TRPC1: variants seen among roughly 807,000 people sequenced by gnomAD.
The protein encoded by TRPC1 is transient receptor potential cation channel subfamily C member 1.
Under a neutral mutation model 88.2 loss-of-function variants are expected in TRPC1, and 42 were observed. The ratio of observed to expected loss-of-function variants is 0.48; its 90% CI spans 0.37 to 0.62. TRPC1 has a LOEUF of 0.62. Ranked by LOEUF, TRPC1 falls within the 20% of genes least tolerant of loss-of-function variation. TRPC1 has a pLI of 0.00. For missense variants in TRPC1, 699 were observed against 957.3 expected (o/e 0.73, Z 3.56); for synonymous variants, 288 against 331.8 (o/e 0.87, Z 1.43).
In TRPC1 at chr3:142,732,592, A is replaced by G. The variant is rs532108076; in HGVS notation, c.173-3787A>G. Among the ~76,000 whole-genome samples the G allele has an allele frequency of 7.9e-5, 12 of 152,252 alleles. 1 individual carries two copies. In the East Asian group the frequency reaches 1.9e-3, roughly 25 times the overall value. ...GTTTGGACTGTGGGTAGCAGTATAC[A>G]TGGAGACAAGTAGATGATTATGGGA... On this transcript the variant is annotated intron_variant, in intron 1 of 12. Transcript: ENST00000476941.
chr3:142,771,100 G>A (rs1935560920), intron 4 of TRPC1, among the ~76,000 whole-genome samples: 1 of 152,116 alleles, frequency 6.6e-6, no homozygotes, highest in African/African-American at 2.4e-5. Context: ...ATTACTGCAA[G>A]GATGGCACCA....
At position 142,784,937 on chromosome 3, in the gene TRPC1, G is replaced by A; in HGVS notation, c.1194G>A (p.Leu398=). The A allele has an allele frequency of 6.2e-7, 1 of 1,613,886 alleles. No individual in the cohort carries two copies. Among genetic ancestry groups the A allele is most frequent in the Non-Finnish European group, 8.5e-7 (1 of 1,179,964 alleles). The change falls in exon 7 of 13, where the codon CTG becomes CTA. Residue 398 remains leucine, a synonymous_variant. Coordinates refer to ENST00000476941, the MANE Select transcript of TRPC1 (RefSeq NM_001251845.2). ...IIHGASYFTF[L]LLLNLYSLVY... is the part of the protein sequence containing the mutation. ...ATGGAGCATCATATTTCACATTTCT[G>A]CTGTTGCTTAATCTATACTCTCTTG...
In TRPC1 at chr3:142,736,359, G is replaced by A. The variant is rs1363695302; in HGVS notation, c.173-20G>A. ...TGATATGTCACGGATATTAAATTAT[G>A]TTTGTATATTGTTATTTAGGTGACT... On this transcript the variant is annotated intron_variant, in intron 1 of 12. Coordinates refer to ENST00000476941, the MANE Select transcript of TRPC1 (RefSeq NM_001251845.2). The A allele has an allele frequency of 2.6e-6, 4 of 1,537,348 alleles. No homozygotes were observed. In the Admixed American group the frequency reaches 6.1e-5, roughly 24 times the overall value.
chr3:142,740,312 T>C (rs538905847), intron 2 of TRPC1, among the ~76,000 whole-genome samples: 1 of 152,342 alleles, frequency 6.6e-6, no homozygotes, highest in East Asian at 1.9e-4. Context: ...GTTCAGAAGC[T>C]AAGTAAAGCT....
At chr3:142,775,616 CA>C (rs113089324) in intron 4 of TRPC1, among the ~76,000 whole-genome samples, 28 of 140,862 alleles carry the variant, frequency 2.0e-4, no homozygotes, top group East Asian at 4.1e-4. Flanking sequence ...GAGAGTGTCT[CA>C]AAAAAAAAAA....
At chr3:142,799,758 C>T (rs188791029) in intron 9 of TRPC1, among the ~76,000 whole-genome samples, 14 of 152,086 alleles carry the variant, frequency 9.2e-5, no homozygotes, top group Non-Finnish European at 1.8e-4. Flanking sequence ...CATGATTGTA[C>T]CACCATACTC....
In TRPC1 at chr3:142,724,835, C is replaced by T; in HGVS notation, c.172+104C>T. The T allele has an allele frequency of 7.6e-7, 1 of 1,321,916 alleles. No individual in the cohort carries two copies. Among genetic ancestry groups the T allele is most frequent in the Non-Finnish European group, 9.9e-7 (1 of 1,006,764 alleles). 81.9% of individuals were successfully genotyped at this position (1,321,916 alleles called of 1,614,324 possible). On this transcript the variant is annotated intron_variant, in intron 1 of 12. Coordinates refer to ENST00000476941, the MANE Select transcript of TRPC1 (RefSeq NM_001251845.2). This position sits in a 1 kb window ranked among gnomAD's most constrained non-coding sequence, Gnocchi z 5.6. ...CGGGGCATTCCCTCTGTCTCAGGCG[C>T]CGAGTGTCTTCCCGCCTCGCCTGCT...
Position 142,756,914 on chromosome 3 carries a change from G to A in TRPC1, c.632+8454G>A, listed in dbSNP as rs191483739. On this transcript the variant is annotated intron_variant, in intron 4 of 12. Coordinates refer to ENST00000476941, the MANE Select transcript of TRPC1 (RefSeq NM_001251845.2). Reference sequence around the variant, plus strand: ...TCCCATTCTTTCCTGGCCTCTGGTAGCCACCAGTCTACTCTCTATCTTCAT... The same window carrying A: ...TCCCATTCTTTCCTGGCCTCTGGTAACCACCAGTCTACTCTCTATCTTCAT... Among the ~76,000 whole-genome samples the A allele has an allele frequency of 7.6e-3, 1,149 of 152,108 alleles. 10 individuals are homozygous for A. Among genetic ancestry groups the A allele is most frequent in the Non-Finnish European group, 7.9e-3 (540 of 68,008 alleles).
intron 2 of TRPC1, among the ~76,000 whole-genome samples, chr3:142,742,676 G>T (rs528030766): frequency 6.6e-6 from 1 of 152,210 alleles, no homozygotes; most frequent in East Asian, 1.9e-4. Context: ...CATTTTCTTA[G>T]ATTAAATCAT....
At chr3:142,773,901 TG>T (rs764978638) in intron 4 of TRPC1, among the ~76,000 whole-genome samples, 1 of 151,710 alleles carries the variant, frequency 6.6e-6, no homozygotes, top group Non-Finnish European at 1.5e-5. Flanking sequence ...TGGACAGTTT[TG>T]TATGTATTAT....
rs1325010736 is a variant in TRPC1 at position 142,777,680 on chromosome 3, G to T, written c.681G>T (p.Met227Ile). Residue 227 changes from methionine (M) to isoleucine (I), a missense_variant, in exon 5 of 13, where the codon ATG becomes ATT. By Grantham distance (10) the Met-to-Ile change is conservative. Around this residue, in one of 4 missense-constraint regions of TRPC1, gnomAD observed 426 missense variants for 641.3 expected, o/e 0.66. Transcript: ENST00000476941. ...GTTTGGCCAGTCCAGCTCTAATAAT[G>T]TTAACAGAGGAGGATCCAATTCTGA... ...YRCLASPALI[M>I]LTEEDPILRA... 6.2e-7 allele frequency: 1 copy of T among 1,612,760 alleles called. No homozygotes were observed. The highest frequency in any genetic ancestry group is 8.5e-7 in the Non-Finnish European group (1 of 1,179,158).
chr3:142,793,067 C>A (rs1936341202), intron 9 of TRPC1, 100 bp downstream of exon 9: 3 of 1,050,896 alleles, frequency 2.9e-6, no homozygotes, highest in Admixed American at 7.1e-5. Flanking sequence ...GATATTAAAG[C>A]TAAACTTTGC....
intron 4 of TRPC1, among the ~76,000 whole-genome samples, chr3:142,759,585 T>C (rs934388424): frequency 1.1e-4 from 17 of 152,352 alleles, no homozygotes; most frequent in African/African-American, 3.8e-4. Context: ...CTTTGTCAGA[T>C]GGGTAGATTG....
At chr3:142,746,806 C>T (rs187293399) in intron 3 of TRPC1, among the ~76,000 whole-genome samples, 2 of 151,370 alleles carry the variant, frequency 1.3e-5, no homozygotes, top group South Asian at 2.1e-4. Context: ...TTCAGTGAGC[C>T]GAGATAGTGC....
Position 142,775,288 on chromosome 3 carries a change from C to A in TRPC1, c.633-2344C>A, listed in dbSNP as rs116214734. Among the ~76,000 whole-genome samples, 651 of 152,226 alleles carry A rather than the reference C, an allele frequency of 4.3e-3. 6 individuals carry two copies. The highest frequency in any genetic ancestry group is 0.015 in the African/African-American group (620 of 41,534). ...TTGTTTAAATGAAGATTTGGAATTTCCGTATAGAAAAATTCATTACAACAA... is the reference window on the plus strand; with the variant it reads ...TTGTTTAAATGAAGATTTGGAATTTACGTATAGAAAAATTCATTACAACAA... On this transcript the variant is annotated intron_variant, in intron 4 of 12. Coordinates refer to ENST00000476941, the MANE Select transcript of TRPC1 (RefSeq NM_001251845.2).
At chr3:142,745,782 C>T (rs111433703) in intron 3 of TRPC1, among the ~76,000 whole-genome samples, 7 of 152,028 alleles carry the variant, frequency 4.6e-5, no homozygotes, top group East Asian at 1.9e-4. Flanking sequence ...GACTTAGTTT[C>T]GCTCTTGTTT....
rs142880825 is a variant in TRPC1 at position 142,797,015 on chromosome 3, T to A, written c.1581+4048T>A. Reference sequence around the variant, plus strand: ...GTCGAGTGGACCTGTTTGCCCTTCCTCTTTTTTTCTTCCCCTTCGCACTGT... The same window carrying A: ...GTCGAGTGGACCTGTTTGCCCTTCCACTTTTTTTCTTCCCCTTCGCACTGT... On this transcript the variant is annotated intron_variant, in intron 9 of 12. Transcript: ENST00000476941. 5.4e-4 allele frequency among the ~76,000 whole-genome samples: 82 copies of A among 152,174 alleles called. 1 individual carries two copies. In the East Asian group the frequency reaches 9.5e-3, roughly 18 times the overall value.
intron 2 of TRPC1, among the ~76,000 whole-genome samples, chr3:142,738,076 C>G (rs1454041284): frequency 2.0e-5 from 3 of 152,128 alleles, no homozygotes; most frequent in African/African-American, 7.2e-5. Context: ...ATACATGGTG[C>G]TTTCATATAC....
intron 9 of TRPC1, among the ~76,000 whole-genome samples, chr3:142,797,378 G>A (rs1183650967): frequency 6.6e-6 from 1 of 151,936 alleles, no homozygotes; most frequent in African/African-American, 2.4e-5. Context: ...CACTGATTAG[G>A]TTTCTCTGAG....
Sources: allele counts gnomAD v4.1 joint callset (sites outside exome capture counted in the v4.1 genomes callset), GRCh38; gene constraint gnomAD v4.1.1; regional missense constraint gnomAD v4.1.1; non-coding constraint Gnocchi (gnomAD v3.1); transcripts MANE v1.5; gene names NCBI Gene and HGNC (gene_info 2026-07-23, HGNC 2026-07-21).